Variants in METTL14 observed in about 807,000 individuals in gnomAD.
METTL14 encodes N(6)-adenosine-methyltransferase non-catalytic subunit METTL14.
A neutral mutation model predicts 62.4 loss-of-function variants in METTL14; 32 were observed. That is an observed-to-expected ratio of 0.51 (90% confidence interval 0.39 to 0.69). METTL14 has a LOEUF of 0.69. METTL14 is among the 30% of genes least tolerant of loss of function. The probability of loss-of-function intolerance (pLI) is 0.00; values close to 1 mark genes in which losing one functional copy is unlikely to be tolerated. For synonymous variants in METTL14, 150 were observed against 180.0 expected, an observed-to-expected ratio of 0.83 and a Z score of 1.34; for missense variants, 340 against 551.9, an observed-to-expected ratio of 0.62 and a Z score of 3.85.
intron 2 of METTL14, among the ~76,000 whole-genome samples, chr4:118,688,762 C>A (rs556150032): frequency 2.6e-5 from 4 of 152,284 alleles, no homozygotes; most frequent in South Asian, 4.1e-4. Flanking sequence ...CAACCTCCGC[C>A]TCCAGGGTTG....
At chr4:118,692,884 C>T (rs1274242654) in intron 5 of METTL14, among the ~76,000 whole-genome samples, 4 of 152,084 alleles carry the variant, frequency 2.6e-5, no homozygotes, top group Admixed American at 2.0e-4. Context: ...TATTTCTATA[C>T]GTTTGCCTAT....
intron 10 of METTL14, 26 bp downstream of exon 10, chr4:118,705,847 T>C: frequency 6.4e-7 from 1 of 1,553,208 alleles, no homozygotes; most frequent in Non-Finnish European, 8.9e-7. Context: ...ACAACAACTT[T>C]TATGATTCTT....
chr4:118,686,435 T>C (rs1211729976), intron 1 of METTL14: 1 of 359,872 alleles, frequency 2.8e-6, no homozygotes, highest in Non-Finnish European at 5.5e-6. Flanking sequence ...GTAAAAGTGA[T>C]AGGAGCAATG....
At chr4:118,703,553 A>G (rs1311642578) in intron 8 of METTL14, among the ~76,000 whole-genome samples, 1 of 152,252 alleles carries the variant, frequency 6.6e-6, no homozygotes, top group Non-Finnish European at 1.5e-5. Flanking sequence ...AGAGAATAGA[A>G]TATTGAGTTG....
chr4:118,702,938 TTTATTA>T (rs70944804), intron 8 of METTL14, among the ~76,000 whole-genome samples: 9,684 of 135,104 alleles, frequency 0.072, 472 homozygotes, highest in Non-Finnish European at 0.11. Flanking sequence ...GTTGGAAGGT[TTTATTA>T]TTATTATTAT....
Position 118,705,743 on chromosome 4 carries a change from A to AT in METTL14, c.993dup (p.His332SerfsTer4). The stretch of plus-strand genomic sequence containing the variant: ...TGGCAATATAGAAAAACCTGTAGAA[A>AT]TTTTTCATATAATTGAGCATTTTTG... On this transcript the variant is annotated frameshift_variant, in exon 10 of 11. Transcript: ENST00000388822. LOFTEE classifies it high-confidence loss of function. The AT allele has an allele frequency of 1.2e-6, 2 of 1,614,004 alleles. No individual in the cohort carries two copies. The highest frequency in any genetic ancestry group is 1.7e-6 in the Non-Finnish European group (2 of 1,179,954).
At chr4:118,688,322 C>T (rs1006296555) in intron 2 of METTL14, among the ~76,000 whole-genome samples, 4 of 151,910 alleles carry the variant, frequency 2.6e-5, no homozygotes, top group Admixed American at 6.6e-5. Flanking sequence ...CTGTAATCCC[C>T]GCTACTCGGG....
At chr4:118,694,141 T>C (rs537768477) in intron 5 of METTL14, among the ~76,000 whole-genome samples, 2 of 151,338 alleles carry the variant, frequency 1.3e-5, no homozygotes, top group African/African-American at 4.8e-5. Flanking sequence ...TTTTTTTTTT[T>C]CCTGAATGTT....
rs1207443329 is a variant in METTL14 at position 118,715,393 on chromosome 4, T to C, written c.*5091T>C. 2 of 152,232 alleles carry C rather than the reference T, an allele frequency of 1.3e-5. No homozygotes were observed. Among genetic ancestry groups the C allele is most frequent in the Non-Finnish European group, 2.9e-5 (2 of 68,030 alleles). 9.4% of individuals were successfully genotyped at this position (152,232 alleles called of 1,614,324 possible). A position where few individuals can be genotyped will look rare whatever the true frequency, so the allele number is the denominator to read the frequency against. ...CTGTCACTTTATAGTTTATGTATTG[T>C]GGTGGGTACCTTAATAATAAAAAGA... On this transcript the variant is annotated 3_prime_UTR_variant, in exon 11 of 11. Transcript: ENST00000388822.
rs2110413876 is a variant in METTL14 at position 118,712,600 on chromosome 4, A to T, written c.*2298A>T. The T allele has an allele frequency of 6.6e-6, 1 of 151,086 alleles. No individual in the cohort carries two copies. Among genetic ancestry groups the T allele is most frequent in the South Asian group, 2.1e-4 (1 of 4,756 alleles). 9.4% of individuals were successfully genotyped at this position (151,086 alleles called of 1,614,324 possible). A position where few individuals can be genotyped will look rare whatever the true frequency, so the allele number is the denominator to read the frequency against. The stretch of plus-strand genomic sequence containing the variant: ...GTGCCACTGCACTCCAGCCTGGGCG[A>T]CAGAGTGAGACTCTGTCTCAAAAAA... On this transcript the variant is annotated 3_prime_UTR_variant, in exon 11 of 11. Coordinates refer to ENST00000388822, the MANE Select transcript of METTL14 (RefSeq NM_020961.4).
intron 5 of METTL14, among the ~76,000 whole-genome samples, chr4:118,693,205 C>T (rs554039747): frequency 5.3e-5 from 8 of 152,186 alleles, no homozygotes; most frequent in African/African-American, 1.9e-4. Flanking sequence ...TAGTATTTTA[C>T]TGTGGTTTTG....
intron 7 of METTL14, among the ~76,000 whole-genome samples, chr4:118,699,909 T>C (rs962747844): frequency 3.3e-5 from 5 of 152,118 alleles, no homozygotes; most frequent in Non-Finnish European, 5.9e-5. Flanking sequence ...AAGAAAAATG[T>C]TTGGGTTTCA....
rs1724017958 is a variant in METTL14 at position 118,685,507 on chromosome 4, C to A, written c.-28C>A. On this transcript the variant is annotated 5_prime_UTR_variant, in exon 1 of 11. Coordinates refer to ENST00000388822, the MANE Select transcript of METTL14 (RefSeq NM_020961.4). ...AGTTCACTGGAGATTGACAAGTACT[C>A]GGGATAGTGAAAAGCCGGAGTTGGA... 3 of 1,610,052 alleles carry A rather than the reference C, an allele frequency of 1.9e-6. No homozygotes were observed. Among genetic ancestry groups the A allele is most frequent in the Non-Finnish European group, 2.6e-6 (3 of 1,176,386 alleles).
At position 118,710,444 on chromosome 4, in the gene METTL14, G is replaced by C; in HGVS notation, c.*142G>C. On this transcript the variant is annotated 3_prime_UTR_variant, in exon 11 of 11. Transcript: ENST00000388822. ...CTGAGCTGCAAGAATGTCTTAGCGA[G>C]CCTTGCTTGCAGTTGTCACACACAC... The C allele has an allele frequency of 3.7e-6, 3 of 808,298 alleles. No individual in the cohort carries two copies. The highest frequency in any genetic ancestry group is 5.7e-6 in the Non-Finnish European group (3 of 525,758). The allele number at this position is 808,298 out of a possible 1,614,324, so 50.1% of individuals were successfully genotyped here. A position where few individuals can be genotyped will look rare whatever the true frequency, so the allele number is the denominator to read the frequency against.
At chr4:118,700,710 A>G in intron 8 of METTL14, 68 bp downstream of exon 8, 1 of 1,069,452 alleles carries the variant, frequency 9.4e-7, no homozygotes, top group Admixed American at 2.3e-5. Context: ...TATGTTGCAT[A>G]GGATGTTTGA....
At chr4:118,696,087 C>T (rs1232466116) in intron 6 of METTL14, among the ~76,000 whole-genome samples, 2 of 122,380 alleles carry the variant, frequency 1.6e-5, no homozygotes, top group African/African-American at 3.0e-5. Context: ...CCACTGCACT[C>T]CAGCCTGGCA....
In METTL14 at chr4:118,697,169, T is replaced by C; in HGVS notation, c.504-13T>C. On this transcript the variant is annotated splice_polypyrimidine_tract_variant and intron_variant, in intron 6 of 10. Transcript: ENST00000388822. Reference sequence around the variant, plus strand: ...TTTTTAAAAACCTCATTTTTAATGCTTTAATCAAATAGGTACTTACAAGCC... The same window carrying C: ...TTTTTAAAAACCTCATTTTTAATGCCTTAATCAAATAGGTACTTACAAGCC... 1 of 1,569,610 alleles carries C rather than the reference T, an allele frequency of 6.4e-7. No individual in the cohort carries two copies. The highest frequency in any genetic ancestry group is 8.6e-7 in the Non-Finnish European group (1 of 1,165,668).
intron 8 of METTL14, among the ~76,000 whole-genome samples, chr4:118,702,737 C>T (rs1406339033): frequency 1.3e-5 from 2 of 152,038 alleles, no homozygotes; most frequent in East Asian, 1.9e-4. Flanking sequence ...GATTACCACA[C>T]TGAACTCCAG....
At chr4:118,686,726 A>G (rs1040248969) in intron 1 of METTL14, 1 of 446,894 alleles carries the variant, frequency 2.2e-6, no homozygotes, top group Non-Finnish European at 4.5e-6. Flanking sequence ...TTGCTACCAC[A>G]GAAGACGTTT....
Sources: gnomAD v4.1 joint callset for allele counts (sites outside exome capture counted in the v4.1 genomes callset) on GRCh38, gnomAD v4.1.1 for gene constraint, MANE v1.5 for transcripts, NCBI Gene and HGNC (gene_info 2026-07-23, HGNC 2026-07-21) for gene names.